Variants in PTPRM observed in about 807,000 individuals in gnomAD.
The protein encoded by PTPRM is receptor-type tyrosine-protein phosphatase mu.
A neutral mutation model predicts 186.7 loss-of-function variants in PTPRM; 47 were observed. The observed-to-expected ratio is 0.25, with a 90% CI of 0.20 to 0.32. The LOEUF (loss-of-function observed/expected upper bound fraction) is 0.32. PTPRM is among the 10% of genes least tolerant of loss of function. The pLI is 1.00. For missense variants in PTPRM, 1,494 were observed against 1,865.0 expected, an observed-to-expected ratio of 0.80 and a Z score of 3.66; for synonymous variants, 668 against 674.9, an observed-to-expected ratio of 0.99 and a Z score of 0.16.
chr18:7,671,346 A>G (rs1340598719), intron 1 of PTPRM, among the ~76,000 whole-genome samples: 1 of 152,128 alleles, frequency 6.6e-6, no homozygotes, highest in Non-Finnish European at 1.5e-5. Flanking sequence ...AATTGCCTCC[A>G]TTACCAGGAT....
chr18:7,770,398 A>T (rs1177807538), intron 1 of PTPRM, among the ~76,000 whole-genome samples: 1 of 152,164 alleles, frequency 6.6e-6, no homozygotes, highest in Non-Finnish European at 1.5e-5. Flanking sequence ...GTTTTCAATT[A>T]TATATTCCAA....
At chr18:7,763,640 A>G (rs760041571) in intron 1 of PTPRM, among the ~76,000 whole-genome samples, 17 of 152,234 alleles carry the variant, frequency 1.1e-4, no homozygotes, top group Non-Finnish European at 8.8e-5. Context: ...TTTTACCGAC[A>G]GGATATGTGA....
chr18:7,952,705 A>T (rs2053049699), intron 6 of PTPRM, among the ~76,000 whole-genome samples: 1 of 144,310 alleles, frequency 6.9e-6, no homozygotes, highest in Middle Eastern at 4.2e-3. Flanking sequence ...AAAAAAAAAG[A>T]AAAGAAAATG....
intron 2 of PTPRM, among the ~76,000 whole-genome samples, chr18:7,837,443 T>G (rs2046106064): frequency 6.6e-6 from 1 of 152,078 alleles, no homozygotes; most frequent in Non-Finnish European, 1.5e-5. Flanking sequence ...TTCTTTGAGT[T>G]TCTTCAAACT....
chr18:7,819,662 C>G (rs1258268932), intron 2 of PTPRM, among the ~76,000 whole-genome samples: 1 of 152,204 alleles, frequency 6.6e-6, no homozygotes. Flanking sequence ...GCCCTCTGTC[C>G]TTGCAGTAAG....
intron 7 of PTPRM, among the ~76,000 whole-genome samples, chr18:7,967,104 G>C (rs1568096045): frequency 1.9e-5 from 1 of 52,986 alleles, no homozygotes; most frequent in South Asian, 8.8e-4. Flanking sequence ...CGCAGCTGGA[G>C]ATCTGAGAAC....
intron 14 of PTPRM, among the ~76,000 whole-genome samples, chr18:8,195,790 G>T (rs1012746676): frequency 6.6e-6 from 1 of 152,074 alleles, no homozygotes; most frequent in African/African-American, 2.4e-5. Flanking sequence ...TGGGTACAGT[G>T]TACACTGTTC....
At chr18:7,871,537 CCAATGT>C (rs2047985854) in intron 2 of PTPRM, among the ~76,000 whole-genome samples, 2 of 152,112 alleles carry the variant, frequency 1.3e-5, no homozygotes, top group Non-Finnish European at 2.9e-5. Context: ...TTTTTCATGC[CCAATGT>C]CAGTGTCTGT....
At chr18:7,828,390 T>A (rs938215412) in intron 2 of PTPRM, among the ~76,000 whole-genome samples, 3 of 152,080 alleles carry the variant, frequency 2.0e-5, no homozygotes, top group African/African-American at 4.8e-5. Flanking sequence ...TGTCTCCTAA[T>A]GCTATCCCTC....
rs115358238 is a variant in PTPRM at position 8,272,291 on chromosome 18, T to A, written c.2754+18877T>A. On this transcript the variant is annotated intron_variant, in intron 19 of 32. Coordinates refer to ENST00000580170, the MANE Select transcript of PTPRM (RefSeq NM_001105244.2). ...TGTTGATCTTTAATATTACATTTTT[T>A]AAAAATTTCTTTTAATACTGTTCTT... 7.1e-3 allele frequency among the ~76,000 whole-genome samples: 1,086 copies of A among 152,108 alleles called. 7 individuals carry two copies. The highest frequency in any genetic ancestry group is 0.024 in the African/African-American group (1,015 of 41,554).
Position 7,901,206 on chromosome 18 carries a change from A to G in PTPRM, c.469-5299A>G, listed in dbSNP as rs185710923. On this transcript the variant is annotated intron_variant, in intron 3 of 32. Coordinates refer to ENST00000580170, the MANE Select transcript of PTPRM (RefSeq NM_001105244.2). ...ATTTGACAAAAAGAGAAAAAAGATT[A>G]TTTTTGCTTTTGAAGCCTTATAAGG... Among the ~76,000 whole-genome samples the G allele has an allele frequency of 3.3e-4, 50 of 152,298 alleles. No individual in the cohort carries two copies. The East Asian group carries it at 5.2e-3, about 16-fold the overall frequency.
chr18:7,869,132 C>A (rs1418699673), intron 2 of PTPRM, among the ~76,000 whole-genome samples: 1 of 152,174 alleles, frequency 6.6e-6, no homozygotes, highest in African/African-American at 2.4e-5. Flanking sequence ...GCTTGCTGGG[C>A]TCCGTGGAGG....
chr18:8,071,352 A>G (rs139904387), intron 8 of PTPRM, among the ~76,000 whole-genome samples: 102 of 152,156 alleles, frequency 6.7e-4, no homozygotes, highest in African/African-American at 2.4e-3. Flanking sequence ...TTTTCTGTCA[A>G]TTTCCATTGG....
intron 1 of PTPRM, among the ~76,000 whole-genome samples, chr18:7,644,839 T>C (rs921587903): frequency 6.6e-6 from 1 of 152,148 alleles, no homozygotes; most frequent in Non-Finnish European, 1.5e-5. Flanking sequence ...GAAGATGATA[T>C]ACGCTTATAT....
intron 1 of PTPRM, among the ~76,000 whole-genome samples, chr18:7,710,589 A>G (rs2144776722): frequency 6.6e-6 from 1 of 152,320 alleles, no homozygotes; most frequent in Admixed American, 6.5e-5. Flanking sequence ...CCCAATTGGA[A>G]AAGAGGAAGC....
chr18:8,032,447 TAA>T (rs1184571662), intron 7 of PTPRM, among the ~76,000 whole-genome samples: 28 of 152,108 alleles, frequency 1.8e-4, no homozygotes, highest in Non-Finnish European at 3.8e-4. Flanking sequence ...ACAGCATCAA[TAA>T]AGAGTATACA....
At chr18:8,004,078 A>C (rs2084028810) in intron 7 of PTPRM, among the ~76,000 whole-genome samples, 1 of 152,210 alleles carries the variant, frequency 6.6e-6, no homozygotes, top group Admixed American at 6.5e-5. Context: ...TGACCTATTC[A>C]GGAATTTCAT....
intron 1 of PTPRM, among the ~76,000 whole-genome samples, chr18:7,684,737 A>G (rs2039560361): frequency 6.6e-6 from 1 of 152,178 alleles, no homozygotes; most frequent in South Asian, 2.1e-4. Context: ...TTCTTTATCC[A>G]TTAATCTGTC....
intron 14 of PTPRM, among the ~76,000 whole-genome samples, chr18:8,183,613 A>G (rs1301273120): frequency 6.6e-6 from 1 of 152,198 alleles, no homozygotes; most frequent in Non-Finnish European, 1.5e-5. Flanking sequence ...ATTGAGTCAC[A>G]TTCCAGGCAC....
Sources: allele counts gnomAD v4.1 joint callset (sites outside exome capture counted in the v4.1 genomes callset), GRCh38; gene constraint gnomAD v4.1.1; transcripts MANE v1.5; gene names NCBI Gene and HGNC (gene_info 2026-07-23, HGNC 2026-07-21).